TRMT9B: variants seen among roughly 807,000 people sequenced by gnomAD.
TRMT9B encodes the protein probable tRNA methyltransferase 9B.
In TRMT9B, 16 loss-of-function variants were observed where a neutral mutation model predicts 11.5. That is an observed-to-expected ratio of 1.39 (90% CI 0.94 to 2.11). TRMT9B has a LOEUF of 2.11. Among genes scored for constraint, TRMT9B ranks in the 30% most tolerant of loss-of-function variants. TRMT9B has a pLI of 0.00. For synonymous variants in TRMT9B, 274 were observed against 192.4 expected, an observed-to-expected ratio of 1.42 and a Z score of -3.51; for missense variants, 941 against 553.8, an observed-to-expected ratio of 1.70 and a Z score of -7.02.
intron 1 of TRMT9B, among the ~76,000 whole-genome samples, chr8:12,963,203 G>A (rs988164328): frequency 4.6e-5 from 7 of 152,154 alleles, no homozygotes; most frequent in Non-Finnish European, 5.9e-5. Flanking sequence ...GGAGGCCAAG[G>A]TGGGCGATTC....
In TRMT9B at chr8:12,980,077, C is replaced by T. The variant is rs566796941; in HGVS notation, c.-199-10757C>T. On this transcript the variant is annotated intron_variant, in intron 1 of 4. Transcript: ENST00000524591. ...TAGGGCCAGGCATCTATATTTGTTT[C>T]CCGGGGCTGCTGTAATAAATGACCA... Among the ~76,000 whole-genome samples the T allele has an allele frequency of 1.7e-4, 26 of 152,218 alleles. No homozygotes were observed. The South Asian group carries it at 4.8e-3, about 28-fold the overall frequency.
chr8:12,954,253 T>TAGTA (rs1801012043), intron 1 of TRMT9B, among the ~76,000 whole-genome samples: 1 of 152,224 alleles, frequency 6.6e-6, no homozygotes, highest in African/African-American at 2.4e-5. Flanking sequence ...CCAGACCTTA[T>TAGTA]AGTATTTCTG....
intron 4 of TRMT9B, among the ~76,000 whole-genome samples, chr8:13,020,740 T>C (rs1585424917): frequency 6.6e-6 from 1 of 152,228 alleles, no homozygotes; most frequent in Admixed American, 6.5e-5. Flanking sequence ...CTTCTTCTTA[T>C]AGAGGAAGAA....
intron 1 of TRMT9B, among the ~76,000 whole-genome samples, chr8:12,972,485 C>T (rs13268781): frequency 0.049 from 7,442 of 152,270 alleles, 225 homozygotes; most frequent in South Asian, 0.1. Context: ...ACAAATGCCG[C>T]TGCCAGGGTG....
At chr8:12,979,670 C>T (rs1805039385) in intron 1 of TRMT9B, among the ~76,000 whole-genome samples, 1 of 152,122 alleles carries the variant, frequency 6.6e-6, no homozygotes, top group Non-Finnish European at 1.5e-5. Context: ...GAGCTTTCTG[C>T]TACCGTACAC....
At chr8:12,951,773 C>G (rs964284218) in intron 1 of TRMT9B, 1 of 152,022 alleles carries the variant, frequency 6.6e-6, no homozygotes, top group Non-Finnish European at 1.5e-5. Context: ...GGGGCCAGCC[C>G]AAAGCCCCCG....
At chr8:12,980,118 A>G (rs1466986020) in intron 1 of TRMT9B, among the ~76,000 whole-genome samples, 1 of 152,148 alleles carries the variant, frequency 6.6e-6, no homozygotes, top group Non-Finnish European at 1.5e-5. Context: ...TGGGTGGCTG[A>G]AAACAACAGA....
intron 2 of TRMT9B, among the ~76,000 whole-genome samples, chr8:12,995,896 T>C (rs1808252165): frequency 6.6e-6 from 1 of 152,144 alleles, no homozygotes; most frequent in South Asian, 2.1e-4. Flanking sequence ...ACATAAACAG[T>C]AGACTAAATA....
chr8:13,012,395 G>A, intron 3 of TRMT9B: 1 of 519,896 alleles, frequency 1.9e-6, no homozygotes, highest in Non-Finnish European at 2.5e-6. Context: ...TGACCAACAT[G>A]GAGAAACCCG....
intron 1 of TRMT9B, chr8:12,952,413 T>G: frequency 3.2e-6 from 1 of 311,114 alleles, no homozygotes; most frequent in South Asian, 2.4e-5. Flanking sequence ...CTGTTTACCT[T>G]GCAAACAGCC....
intron 1 of TRMT9B, among the ~76,000 whole-genome samples, chr8:12,953,950 A>G (rs1800967787): frequency 6.6e-6 from 1 of 152,234 alleles, no homozygotes; most frequent in Admixed American, 6.5e-5. Flanking sequence ...CTAACTCCAA[A>G]GAAATTTTGT....
At chr8:12,981,434 G>A (rs1383540774) in intron 1 of TRMT9B, among the ~76,000 whole-genome samples, 1 of 152,142 alleles carries the variant, frequency 6.6e-6, no homozygotes, top group Non-Finnish European at 1.5e-5. Flanking sequence ...TCTCTTTAGA[G>A]CTGGAGAGTG....
chr8:13,006,235 G>C lies in TRMT9B; in HGVS notation c.33G>C (p.Gln11His). The change falls in exon 3 of 5, where the codon CAG becomes CAC. Residue 11 changes from glutamine (Q) to histidine (H), a missense_variant. Coordinates refer to ENST00000524591, the MANE Select transcript of TRMT9B (RefSeq NM_020844.3). ...ATGAAGCCGCCCAGCTGGAGAAGCA[G>C]CATGTGCACAATGTGTACGAGAGCA... MDHEAAQLEK[Q>H]HVHNVYESTA... 6.2e-7 allele frequency: 1 copy of C among 1,613,998 alleles called. No homozygotes were observed. The highest frequency in any genetic ancestry group is 1.1e-5 in the South Asian group (1 of 91,060).
At chr8:12,977,272 T>C (rs76939710) in intron 1 of TRMT9B, among the ~76,000 whole-genome samples, 2,156 of 152,108 alleles carry the variant, frequency 0.014, 52 homozygotes, top group African/African-American at 0.048. Flanking sequence ...GCAGTGCCAA[T>C]CACAAGATCA....
rs1469493055 is a variant in TRMT9B, at chr8:13,025,209, T to G, written c.*3165T>G. The G allele has an allele frequency of 6.0e-6, 1 of 167,122 alleles. No individual in the cohort carries two copies. The highest frequency in any genetic ancestry group is 2.4e-5 in the African/African-American group (1 of 41,438). 10.4% of individuals were successfully genotyped at this position (167,122 alleles called of 1,614,324 possible). On this transcript the variant is annotated 3_prime_UTR_variant, in exon 5 of 5. Transcript: ENST00000524591. The stretch of plus-strand genomic sequence containing the variant: ...ATAGAAGGGAGAGTTTGGGGGTTTA[T>G]TGGAGGAGTCTTAAAAACTTGGTTG...
intron 2 of TRMT9B, among the ~76,000 whole-genome samples, chr8:12,995,381 A>G (rs943862645): frequency 6.6e-6 from 1 of 152,220 alleles, no homozygotes; most frequent in African/African-American, 2.4e-5. Context: ...AAACAAATTT[A>G]TACAAAGTTA....
At position 13,027,362 on chromosome 8, in the gene TRMT9B, A is replaced by G. The variant is rs1401466558; in HGVS notation, c.*5318A>G. The G allele has an allele frequency of 6.0e-6, 1 of 167,086 alleles. No individual in the cohort carries two copies. Among genetic ancestry groups the G allele is most frequent in the Admixed American group, 6.5e-5 (1 of 15,282 alleles). The allele number at this position is 167,086 out of a possible 1,614,324, so 10.4% of individuals were successfully genotyped here. On this transcript the variant is annotated 3_prime_UTR_variant, in exon 5 of 5. Transcript: ENST00000524591. ...ACCCTCCCTTAGAGAATCATGATGCATATTAGCATATTTAAGGAGTACCCT... is the reference window on the plus strand; with the variant it reads ...ACCCTCCCTTAGAGAATCATGATGCGTATTAGCATATTTAAGGAGTACCCT...
intron 4 of TRMT9B, among the ~76,000 whole-genome samples, chr8:13,017,934 T>A (rs1301772716): frequency 6.6e-6 from 1 of 151,922 alleles, no homozygotes; most frequent in Non-Finnish European, 1.5e-5. Context: ...AGCTATTTTT[T>A]TCTTAAGAAC....
chr8:12,975,002 C>G (rs1259192927), intron 1 of TRMT9B, among the ~76,000 whole-genome samples: 1 of 150,496 alleles, frequency 6.6e-6, no homozygotes, highest in East Asian at 1.9e-4. Flanking sequence ...GGATCATGGT[C>G]TGTGGTCATA....
Sources: gnomAD v4.1 joint callset for allele counts (sites outside exome capture counted in the v4.1 genomes callset) on GRCh38, gnomAD v4.1.1 for gene constraint, MANE v1.5 for transcripts, NCBI Gene and HGNC (gene_info 2026-07-23, HGNC 2026-07-21) for gene names.